The following CCDC171 variants were observed in gnomAD, a reference collection of about 807,000 sequenced individuals.
CCDC171 encodes coiled-coil domain containing 171.
A neutral mutation model predicts 168.2 loss-of-function variants in CCDC171; 177 were observed. The ratio of observed to expected loss-of-function variants is 1.05; its 90% confidence interval spans 0.93 to 1.19. The LOEUF (loss-of-function observed/expected upper bound fraction) is 1.19, where lower values mean the gene tolerates loss of function less well. CCDC171 is among the 50% of genes most tolerant of loss of function. CCDC171 has a pLI of 0.00. For missense variants in CCDC171, 1,991 were observed against 1,539.0 expected (o/e 1.29, Z -4.91); for synonymous variants, 687 against 540.8 (o/e 1.27, Z -3.75).
chr9:15,681,345 T>G (rs1451164128), intron 10 of CCDC171, among the ~76,000 whole-genome samples: 7 of 152,172 alleles, frequency 4.6e-5, no homozygotes, highest in Non-Finnish European at 1.0e-4. Context: ...GATGTACAGT[T>G]GATGTGGCTC....
chr9:15,920,642 A>G (rs763610915), intron 25 of CCDC171, among the ~76,000 whole-genome samples: 1 of 151,748 alleles, frequency 6.6e-6, no homozygotes, highest in East Asian at 1.9e-4. Context: ...ATTGTTATCA[A>G]TGCTAAAACA....
chr9:15,554,297 G>A (rs1189777793), intron 1 of CCDC171, among the ~76,000 whole-genome samples: 1 of 152,196 alleles, frequency 6.6e-6, no homozygotes, highest in East Asian at 1.9e-4. Context: ...TGGGATTACA[G>A]GCGTGAGCCA....
chr9:16,044,219 G>A (rs539619349), intron 1 of CCDC171, among the ~76,000 whole-genome samples: 1 of 152,310 alleles, frequency 6.6e-6, no homozygotes, highest in Non-Finnish European at 1.5e-5. Flanking sequence ...AACTTTCATT[G>A]AAGGATTCAT....
chr9:15,876,715 TA>T (rs995557175), intron 24 of CCDC171, among the ~76,000 whole-genome samples: 5 of 152,180 alleles, frequency 3.3e-5, no homozygotes, highest in African/African-American at 9.6e-5. Flanking sequence ...AATTATGGGC[TA>T]ATAGTATGAA....
At chr9:15,903,076 G>A (rs1006242986) in intron 24 of CCDC171, among the ~76,000 whole-genome samples, 3 of 152,216 alleles carry the variant, frequency 2.0e-5, no homozygotes, top group Admixed American at 6.5e-5. Context: ...AAGGAAGCGT[G>A]CCTGCCTCTG....
chr9:15,677,708 C>A (rs1334865262), intron 9 of CCDC171, among the ~76,000 whole-genome samples: 3 of 149,230 alleles, frequency 2.0e-5, no homozygotes, highest in African/African-American at 7.4e-5. Flanking sequence ...CTAACCTGAA[C>A]AATATACATA....
At chr9:15,864,009 C>T (rs549665512) in intron 23 of CCDC171, among the ~76,000 whole-genome samples, 1 of 152,166 alleles carries the variant, frequency 6.6e-6, no homozygotes, top group Non-Finnish European at 1.5e-5. Flanking sequence ...CAACTGAAGT[C>T]TCTGTTGGCT....
intron 11 of CCDC171, among the ~76,000 whole-genome samples, chr9:15,700,364 C>T (rs1017145167): frequency 1.3e-5 from 2 of 152,226 alleles, no homozygotes; most frequent in Non-Finnish European, 2.9e-5. Flanking sequence ...CACGCCCACC[C>T]GGAACTCCAG....
chr9:16,001,259 T>A (rs1344974325), intron 3 of CCDC171, among the ~76,000 whole-genome samples: 1 of 152,078 alleles, frequency 6.6e-6, no homozygotes, highest in Non-Finnish European at 1.5e-5. Flanking sequence ...TGAAAAAATT[T>A]ATCTGTGACC....
At chr9:15,813,808 T>C (rs545310973) in intron 21 of CCDC171, among the ~76,000 whole-genome samples, 1 of 152,346 alleles carries the variant, frequency 6.6e-6, no homozygotes, top group East Asian at 1.9e-4. Flanking sequence ...ATTTTTAAAA[T>C]ACTGTAGTTT....
chr9:15,982,753 A>T (rs1158976942), intron 3 of CCDC171, among the ~76,000 whole-genome samples: 2 of 151,486 alleles, frequency 1.3e-5, no homozygotes, highest in Non-Finnish European at 2.9e-5. Context: ...TCTTAAACCG[A>T]CTCACTTAAT....
At chr9:15,992,793 A>C (rs1009767042) in intron 3 of CCDC171, among the ~76,000 whole-genome samples, 1 of 152,200 alleles carries the variant, frequency 6.6e-6, no homozygotes, top group African/African-American at 2.4e-5. Context: ...ATTCTTATAC[A>C]CCAATAACGG....
At chr9:15,878,376 A>C (rs996233035) in intron 24 of CCDC171, among the ~76,000 whole-genome samples, 6 of 152,114 alleles carry the variant, frequency 3.9e-5, no homozygotes, top group South Asian at 2.1e-4. Context: ...GAAAAAAAAA[A>C]CTCAACAACA....
chr9:15,772,737 TTG>T (rs754315656), intron 18 of CCDC171, among the ~76,000 whole-genome samples: 9 of 152,194 alleles, frequency 5.9e-5, no homozygotes, highest in African/African-American at 1.2e-4. Flanking sequence ...GAGATCCTAG[TTG>T]TGTGTTACGA....
chr9:16,078,591 T>C, the CCDC171 span, among the ~76,000 whole-genome samples: 1 of 152,186 alleles, frequency 6.6e-6, no homozygotes, highest in African/African-American at 2.4e-5. Context: ...CAATCTTCAA[T>C]ACTTAGCACT....
intron 3 of CCDC171, among the ~76,000 whole-genome samples, chr9:15,993,274 C>A (rs1180968669): frequency 6.6e-6 from 1 of 152,014 alleles, no homozygotes; most frequent in East Asian, 1.9e-4. Flanking sequence ...AGAACAGAGC[C>A]CTCAGAAATA....
chr9:15,599,331 T>C (rs981167230), intron 6 of CCDC171, among the ~76,000 whole-genome samples: 13 of 152,332 alleles, frequency 8.5e-5, no homozygotes, highest in Middle Eastern at 3.4e-3. Context: ...GGAGCTCTTT[T>C]AGGGCAGGCC....
the CCDC171 span, among the ~76,000 whole-genome samples, chr9:16,091,476 C>A: frequency 6.6e-6 from 1 of 152,208 alleles, no homozygotes; most frequent in Non-Finnish European, 1.5e-5. Context: ...GAGTCACCAT[C>A]TAGTGTAGGA....
At chr9:15,627,921 A>G (rs1426682959) in intron 7 of CCDC171, among the ~76,000 whole-genome samples, 4 of 152,174 alleles carry the variant, frequency 2.6e-5, no homozygotes, top group African/African-American at 7.2e-5. Flanking sequence ...GTGGGGTGTT[A>G]AAGTCTCCCA....
Sources: gnomAD v4.1 joint callset for allele counts (sites outside exome capture counted in the v4.1 genomes callset) on GRCh38, gnomAD v4.1.1 for gene constraint, MANE v1.5 for transcripts, NCBI Gene and HGNC (gene_info 2026-07-23, HGNC 2026-07-21) for gene names.